The following ACVR1 variants were observed in gnomAD, a reference collection of about 807,000 sequenced individuals.
ACVR1 encodes the protein activin receptor type-1.
Under a neutral mutation model 57.1 loss-of-function variants are expected in ACVR1, and 38 were observed. The observed-to-expected ratio is 0.67, with a 90% CI of 0.51 to 0.87. ACVR1 has a LOEUF of 0.87. ACVR1 is among the 40% of genes least tolerant of loss of function. The pLI, the probability that ACVR1 is intolerant of heterozygous loss-of-function variation, is 0.00. For missense variants in ACVR1, 463 were observed against 638.2 expected, an observed-to-expected ratio of 0.73 and a Z score of 2.96; for synonymous variants, 212 against 228.1, an observed-to-expected ratio of 0.93 and a Z score of 0.63.
chr2:157,870,091 C>A (rs935907187), intron 1 of ACVR1, among the ~76,000 whole-genome samples: 1 of 152,202 alleles, frequency 6.6e-6, no homozygotes, highest in Non-Finnish European at 1.5e-5. Flanking sequence ...TGGTTTAAAA[C>A]ATCACTCAAC....
At chr2:157,806,496 T>C (rs575246647) in intron 2 of ACVR1, among the ~76,000 whole-genome samples, 11 of 152,272 alleles carry the variant, frequency 7.2e-5, no homozygotes, top group African/African-American at 1.9e-4. Flanking sequence ...GCAAGGGAAA[T>C]TGTAGACATG....
chr2:157,835,814 C>G (rs1037877786), intron 1 of ACVR1, among the ~76,000 whole-genome samples: 6 of 152,182 alleles, frequency 3.9e-5, no homozygotes, highest in Non-Finnish European at 8.8e-5. Flanking sequence ...ACATTGATAA[C>G]CAGTATGCAG....
At chr2:157,788,710 C>G (rs569497733) in intron 3 of ACVR1, among the ~76,000 whole-genome samples, 1 of 152,030 alleles carries the variant, frequency 6.6e-6, no homozygotes, top group Non-Finnish European at 1.5e-5. Flanking sequence ...AGGCATCCAC[C>G]GGGGGTCTTG....
chr2:157,870,106 C>A (rs1690068899), intron 1 of ACVR1, among the ~76,000 whole-genome samples: 1 of 152,212 alleles, frequency 6.6e-6, no homozygotes, highest in African/African-American at 2.4e-5. Context: ...CTCAACCCAT[C>A]CCTTCTATTC....
At chr2:157,863,187 A>G (rs1247199260) in intron 1 of ACVR1, among the ~76,000 whole-genome samples, 2 of 149,876 alleles carry the variant, frequency 1.3e-5, no homozygotes, top group African/African-American at 4.9e-5. Context: ...TAATTTTTAT[A>G]TTTTTAGTAG....
intron 3 of ACVR1, among the ~76,000 whole-genome samples, chr2:157,791,881 G>C (rs1004798942): frequency 6.6e-6 from 1 of 152,158 alleles, no homozygotes; most frequent in Non-Finnish European, 1.5e-5. Flanking sequence ...AGTCATTACT[G>C]TAACTCTACA....
At chr2:157,872,240 A>G (rs1333383772) in intron 1 of ACVR1, among the ~76,000 whole-genome samples, 4 of 152,214 alleles carry the variant, frequency 2.6e-5, no homozygotes, top group African/African-American at 4.8e-5. Flanking sequence ...GCGGATTCCA[A>G]TTAAAATTTC....
chr2:157,740,053 G>A (rs562612628), intron 9 of ACVR1, among the ~76,000 whole-genome samples: 11 of 152,018 alleles, frequency 7.2e-5, no homozygotes, highest in Admixed American at 3.3e-4. Context: ...GTGTGTTGGC[G>A]CGTGCCTGTA....
In ACVR1 at chr2:157,738,565, C is replaced by T. The variant is rs1684631177; in HGVS notation, c.1270G>A (p.Val424Met). Reference sequence around the variant, plus strand: ...TAGAACGGTGGCTTGTAATCCTCCACTATACCTGCACACAAGGACAAGAAT... The same window carrying T: ...TAGAACGGTGGCTTGTAATCCTCCATTATACCTGCACACAAGGACAAGAAT... ...VARRMVSNGI[V>M]EDYKPPFYDV... The change falls in exon 10 of 11, where the codon GTG becomes ATG. Residue 424 changes from valine to methionine, a missense_variant. Around this residue, in one of 3 missense-constraint regions of ACVR1, gnomAD observed 146 missense variants for 186.6 expected, o/e 0.78. Coordinates refer to ENST00000434821, the MANE Select transcript of ACVR1 (RefSeq NM_001111067.4). The T allele has an allele frequency of 6.2e-7, 1 of 1,614,064 alleles. No homozygotes were observed. The highest frequency in any genetic ancestry group is 8.5e-7 in the Non-Finnish European group (1 of 1,179,954).
At chr2:157,824,678 T>C (rs982487566) in intron 1 of ACVR1, among the ~76,000 whole-genome samples, 1 of 151,976 alleles carries the variant, frequency 6.6e-6, no homozygotes, top group African/African-American at 2.4e-5. Flanking sequence ...AGGTGTGACT[T>C]CAGAGAAGAT....
chr2:157,872,772 T>C (rs1690153572), intron 1 of ACVR1, among the ~76,000 whole-genome samples: 1 of 152,212 alleles, frequency 6.6e-6, no homozygotes, highest in South Asian at 2.1e-4. Context: ...TAATTTTCTT[T>C]ATCATTTTAG....
intron 1 of ACVR1, among the ~76,000 whole-genome samples, chr2:157,854,477 C>T (rs1321319790): frequency 6.6e-6 from 1 of 152,156 alleles, no homozygotes; most frequent in Non-Finnish European, 1.5e-5. Context: ...AATCCCAGCC[C>T]TTTGGGAGGC....
At chr2:157,857,945 C>A (rs1417153801) in intron 1 of ACVR1, among the ~76,000 whole-genome samples, 1 of 151,992 alleles carries the variant, frequency 6.6e-6, no homozygotes, top group African/African-American at 2.4e-5. Flanking sequence ...GACATAACTT[C>A]CATGAGTAAC....
At chr2:157,745,629 C>T (rs912081690) in intron 9 of ACVR1, among the ~76,000 whole-genome samples, 3 of 152,166 alleles carry the variant, frequency 2.0e-5, no homozygotes, top group African/African-American at 4.8e-5. Flanking sequence ...CCCACCCCAC[C>T]TCCATATTCC....
intron 2 of ACVR1, among the ~76,000 whole-genome samples, chr2:157,814,826 G>A (rs966233903): frequency 6.6e-6 from 1 of 152,310 alleles, no homozygotes; most frequent in South Asian, 2.1e-4. Flanking sequence ...GGTCACACCT[G>A]TAATCCCAGC....
chr2:157,824,686 G>T (rs1247128396), intron 1 of ACVR1, among the ~76,000 whole-genome samples: 18 of 151,910 alleles, frequency 1.2e-4, no homozygotes, highest in Admixed American at 1.2e-3. Flanking sequence ...CTTCAGAGAA[G>T]ATCAGATTCC....
At chr2:157,797,697 G>A (rs1016323396) in intron 3 of ACVR1, among the ~76,000 whole-genome samples, 1 of 152,196 alleles carries the variant, frequency 6.6e-6, no homozygotes, top group Non-Finnish European at 1.5e-5. Flanking sequence ...ATGGGAAAGT[G>A]AGTAATGAAA....
At chr2:157,848,429 A>G (rs1162054495) in intron 1 of ACVR1, among the ~76,000 whole-genome samples, 2 of 152,220 alleles carry the variant, frequency 1.3e-5, no homozygotes, top group African/African-American at 2.4e-5. Context: ...CCCAGCCAAC[A>G]GCCAGCATCA....
chr2:157,844,606 A>G (rs1689072877), intron 1 of ACVR1, among the ~76,000 whole-genome samples: 1 of 152,230 alleles, frequency 6.6e-6, no homozygotes, highest in South Asian at 2.1e-4. Flanking sequence ...TTATTTAAAA[A>G]TAAAAAAATT....
Sources: gnomAD v4.1 joint callset for allele counts (sites outside exome capture counted in the v4.1 genomes callset) on GRCh38, gnomAD v4.1.1 for gene constraint, gnomAD v4.1.1 regional missense constraint, MANE v1.5 for transcripts, NCBI Gene and HGNC (gene_info 2026-07-23, HGNC 2026-07-21) for gene names.